The following PAX7 variants were observed in gnomAD, a reference collection of about 807,000 sequenced individuals.
PAX7 encodes paired box 7.
Under a neutral mutation model 50.7 loss-of-function variants are expected in PAX7, and 18 were observed. The observed-to-expected ratio is 0.36, with a 90% CI of 0.25 to 0.53. The LOEUF (loss-of-function observed/expected upper bound fraction) is 0.53. Among genes scored for constraint, PAX7 ranks in the 20% least tolerant of loss-of-function variants. The pLI is 0.93. For missense variants in PAX7, 644 were observed against 702.9 expected (o/e 0.92, Z 0.95); for synonymous variants, 310 against 290.4 (o/e 1.07, Z -0.69).
intron 7 of PAX7, among the ~76,000 whole-genome samples, chr1:18,731,660 A>G (rs1050084059): frequency 1.3e-5 from 2 of 151,984 alleles, no homozygotes; most frequent in Admixed American, 6.6e-5. Flanking sequence ...CTGCCTGGAG[A>G]CAGGGGGTTG....
rs2088067021 is a variant in PAX7, at chr1:18,632,267, C to T, written c.85+579C>T. ...ATAATAATTAGTAATGATTTTCCCCCTAAAACTTTTTACTCGGGCTTCCGC... is the reference window on the plus strand; with the variant it reads ...ATAATAATTAGTAATGATTTTCCCCTTAAAACTTTTTACTCGGGCTTCCGC... On this transcript the variant is annotated intron_variant, in intron 1 of 8. Transcript: ENST00000420770. The surrounding 1 kb of genome is among the most constrained non-coding windows in gnomAD (Gnocchi z 6.3). 1.3e-5 allele frequency among the ~76,000 whole-genome samples: 2 copies of T among 152,216 alleles called. No homozygotes were observed. The highest frequency in any genetic ancestry group is 2.1e-4 in the South Asian group (1 of 4,826).
chr1:18,645,752 C>G (rs2088328569), intron 4 of PAX7, among the ~76,000 whole-genome samples: 1 of 152,212 alleles, frequency 6.6e-6, no homozygotes, highest in African/African-American at 2.4e-5. Flanking sequence ...TAAGTCTGCT[C>G]TGGCTTTACC....
At chr1:18,713,392 G>A (rs1304575835) in intron 7 of PAX7, among the ~76,000 whole-genome samples, 1 of 152,162 alleles carries the variant, frequency 6.6e-6, no homozygotes. Context: ...GGCAGGTAAC[G>A]GACCACCACC....
intron 3 of PAX7, 85 bp downstream of exon 3, chr1:18,635,325 G>A (rs1333667674): frequency 8.0e-6 from 12 of 1,507,962 alleles, no homozygotes; most frequent in Middle Eastern, 4.2e-4. Flanking sequence ...AGAGAGGGGA[G>A]AGGAGATGAT....
At chr1:18,655,549 C>T (rs1346757249) in intron 4 of PAX7, among the ~76,000 whole-genome samples, 1 of 152,196 alleles carries the variant, frequency 6.6e-6, no homozygotes, top group Non-Finnish European at 1.5e-5. Context: ...GGGCCTCGCT[C>T]CCATTGAGGG....
intron 5 of PAX7, among the ~76,000 whole-genome samples, chr1:18,693,745 C>T (rs2089110784): frequency 6.6e-6 from 1 of 151,212 alleles, no homozygotes; most frequent in South Asian, 2.1e-4. Context: ...TCTGATCCTC[C>T]TGCAGCTGTT....
chr1:18,719,100 C>G (rs964313243), intron 7 of PAX7, among the ~76,000 whole-genome samples: 1 of 152,218 alleles, frequency 6.6e-6, no homozygotes, highest in Admixed American at 6.5e-5. Flanking sequence ...TGCACACTTT[C>G]ACTGTCCAAA....
intron 4 of PAX7, among the ~76,000 whole-genome samples, chr1:18,665,262 G>A (rs961216235): frequency 2.0e-5 from 3 of 152,206 alleles, no homozygotes; most frequent in African/African-American, 7.2e-5. Flanking sequence ...TATGGCACAT[G>A]ACCTTCACAG....
At chr1:18,641,771 T>C (rs1179766117) in intron 4 of PAX7, among the ~76,000 whole-genome samples, 1 of 152,190 alleles carries the variant, frequency 6.6e-6, no homozygotes, top group African/African-American at 2.4e-5. Context: ...CAGACAGTAT[T>C]GGGAAGTTAT....
intron 4 of PAX7, among the ~76,000 whole-genome samples, chr1:18,649,173 G>A (rs2088393772): frequency 6.6e-6 from 1 of 152,148 alleles, no homozygotes; most frequent in Non-Finnish European, 1.5e-5. Flanking sequence ...GGCCAATGGA[G>A]GGGAAGGCCA....
chr1:18,647,849 G>C lies in PAX7; in HGVS notation c.586+11478G>C, dbSNP rs2088369857. Among the ~76,000 whole-genome samples, 4 of 152,278 alleles carry C rather than the reference G, an allele frequency of 2.6e-5. No homozygotes were observed. In the South Asian group the frequency reaches 8.3e-4, roughly 32 times the overall value. ...CCAAATGTGGGCGCAGGTGGGGTGGGGGCAGATGCTCAGCCAAGTGCAAAT... is the reference window on the plus strand; with the variant it reads ...CCAAATGTGGGCGCAGGTGGGGTGGCGGCAGATGCTCAGCCAAGTGCAAAT... On this transcript the variant is annotated intron_variant, in intron 4 of 8. Transcript: ENST00000420770.
At chr1:18,714,993 C>T (rs1315908629) in intron 7 of PAX7, among the ~76,000 whole-genome samples, 1 of 152,242 alleles carries the variant, frequency 6.6e-6, no homozygotes, top group Non-Finnish European at 1.5e-5. Context: ...AGGCCTGTCC[C>T]TGGGGTCCCC....
chr1:18,727,285 G>GCA (rs58074996), intron 7 of PAX7, among the ~76,000 whole-genome samples: 1 of 150,818 alleles, frequency 6.6e-6, no homozygotes, highest in African/African-American at 2.4e-5. Flanking sequence ...ATGTGCACAA[G>GCA]TTGCATGAAC....
At chr1:18,669,747 T>G (rs988950805) in intron 4 of PAX7, among the ~76,000 whole-genome samples, 1 of 152,196 alleles carries the variant, frequency 6.6e-6, no homozygotes, top group Non-Finnish European at 1.5e-5. Flanking sequence ...TAGCTTGGCC[T>G]CTCTGAGTTC....
intron 7 of PAX7, among the ~76,000 whole-genome samples, 158 bp downstream of exon 7, chr1:18,703,454 T>G (rs1045253022): frequency 5.9e-5 from 9 of 152,232 alleles, no homozygotes; most frequent in Non-Finnish European, 1.3e-4. Flanking sequence ...GACTCTGTCC[T>G]GTGCTCTTGG....
At position 18,632,038 on chromosome 1, in the gene PAX7, G is replaced by T. The variant is rs1304274753; in HGVS notation, c.85+350G>T. On this transcript the variant is annotated intron_variant, in intron 1 of 8. Coordinates refer to ENST00000420770, the MANE Select transcript of PAX7 (RefSeq NM_001135254.2). This position sits in a 1 kb window ranked among gnomAD's most constrained non-coding sequence, Gnocchi z 6.3. ...GACACTTCTTCCCTGACAGTTTCTC[G>T]GCTCTCCTGGCTCGCTGGCTGCCAG... 6.6e-6 allele frequency among the ~76,000 whole-genome samples: 1 copy of T among 152,060 alleles called. No individual in the cohort carries two copies. Among genetic ancestry groups the T allele is most frequent in the Non-Finnish European group, 1.5e-5 (1 of 68,010 alleles).
At chr1:18,732,521 G>T (rs968906495) in intron 7 of PAX7, among the ~76,000 whole-genome samples, 3 of 152,222 alleles carry the variant, frequency 2.0e-5, no homozygotes, top group Non-Finnish European at 4.4e-5. Context: ...CCTATGAAAT[G>T]CTTGTTGGAC....
chr1:18,718,973 G>A (rs1008228814), intron 7 of PAX7, among the ~76,000 whole-genome samples: 1 of 152,122 alleles, frequency 6.6e-6, no homozygotes, highest in Non-Finnish European at 1.5e-5. Flanking sequence ...AGGTTGGGGG[G>A]AGTGTCTGCT....
At chr1:18,660,636 C>T (rs1385626218) in intron 4 of PAX7, among the ~76,000 whole-genome samples, 7 of 152,292 alleles carry the variant, frequency 4.6e-5, no homozygotes, top group Non-Finnish European at 1.0e-4. Context: ...GTATTTACCA[C>T]GTTCAAAAGC....
Sources: gnomAD v4.1 joint callset for allele counts (sites outside exome capture counted in the v4.1 genomes callset) on GRCh38, gnomAD v4.1.1 for gene constraint, Gnocchi (gnomAD v3.1) non-coding constraint, MANE v1.5 for transcripts, NCBI Gene and HGNC (gene_info 2026-07-23, HGNC 2026-07-21) for gene names.